The following PHF21A variants were observed in gnomAD, a reference collection of about 807,000 sequenced individuals.
PHF21A encodes BHC80a.
A neutral mutation model predicts 82.5 loss-of-function variants in PHF21A; 11 were observed. That is an observed-to-expected ratio of 0.13 (90% CI 0.08 to 0.22). The LOEUF is 0.22. Among genes scored for constraint, PHF21A ranks in the 10% least tolerant of loss-of-function variants. PHF21A has a pLI of 1.00. For synonymous variants in PHF21A, 297 were observed against 302.8 expected (o/e 0.98, Z 0.20); for missense variants, 579 against 837.8 (o/e 0.69, Z 3.81).
chr11:45,939,950 T>C (rs976054668), intron 15 of PHF21A, among the ~76,000 whole-genome samples: 2 of 152,168 alleles, frequency 1.3e-5, no homozygotes, highest in Non-Finnish European at 2.9e-5. Context: ...GTGGATTTCC[T>C]GGCTATTCTG....
At chr11:46,049,056 C>T (rs777133506) in intron 6 of PHF21A, among the ~76,000 whole-genome samples, 3 of 152,194 alleles carry the variant, frequency 2.0e-5, no homozygotes, top group East Asian at 1.9e-4. Flanking sequence ...GCTTGTGTTA[C>T]TGACAACAGG....
At chr11:46,045,539 A>T (rs2096244395) in intron 6 of PHF21A, among the ~76,000 whole-genome samples, 1 of 152,172 alleles carries the variant, frequency 6.6e-6, no homozygotes, top group Non-Finnish European at 1.5e-5. Flanking sequence ...GAATTGGAAA[A>T]AATTTATTTA....
chr11:45,952,783 T>A (rs1023681578), intron 11 of PHF21A, among the ~76,000 whole-genome samples: 1 of 152,200 alleles, frequency 6.6e-6, no homozygotes, highest in African/African-American at 2.4e-5. Flanking sequence ...GCACTAAGGA[T>A]AGGGGCAAGA....
intron 11 of PHF21A, among the ~76,000 whole-genome samples, chr11:45,952,015 G>C (rs2092189660): frequency 6.6e-6 from 1 of 151,934 alleles, no homozygotes; most frequent in African/African-American, 2.4e-5. Context: ...CCATTGGCCG[G>C]GCTGGTCTCA....
At position 45,931,788 on chromosome 11, in the gene PHF21A, C is replaced by G. The variant is rs973524123; in HGVS notation, c.*2180G>C. 5 of 152,320 alleles carry G rather than the reference C, an allele frequency of 3.3e-5. No homozygotes were observed. The highest frequency in any genetic ancestry group is 1.2e-4 in the African/African-American group (5 of 41,410). 9.4% of individuals were successfully genotyped at this position (152,320 alleles called of 1,614,324 possible). On this transcript the variant is annotated 3_prime_UTR_variant, in exon 19 of 19. Transcript: ENST00000676320. Reference sequence around the variant, plus strand: ...ACCGCCCTCCCATCGGCCAGGGGCACGCAAGGGGCAAAGGTCTCCAGCGAG... The same window carrying G: ...ACCGCCCTCCCATCGGCCAGGGGCAGGCAAGGGGCAAAGGTCTCCAGCGAG...
rs1219632072 is a variant in PHF21A, at chr11:46,041,796, A to T, written c.153+34958T>A. ...TTCCACGCTCCCTGAACTATCACACATCTTTCTTCTCCCATGAACCATCTG... is the reference window on the plus strand; with the variant it reads ...TTCCACGCTCCCTGAACTATCACACTTCTTTCTTCTCCCATGAACCATCTG... On this transcript the variant is annotated intron_variant, in intron 6 of 18. Transcript: ENST00000676320. 3.3e-5 allele frequency among the ~76,000 whole-genome samples: 5 copies of T among 152,334 alleles called. No homozygotes were observed. In the East Asian group the frequency reaches 9.6e-4, roughly 29 times the overall value.
At chr11:46,077,414 T>C (rs2096739323) in intron 5 of PHF21A, among the ~76,000 whole-genome samples, 1 of 152,220 alleles carries the variant, frequency 6.6e-6, no homozygotes, top group African/African-American at 2.4e-5. Flanking sequence ...AGAATACTAT[T>C]TTAGATGAGA....
intron 6 of PHF21A, among the ~76,000 whole-genome samples, chr11:46,042,298 A>G (rs1407867840): frequency 6.6e-6 from 1 of 152,180 alleles, no homozygotes; most frequent in Non-Finnish European, 1.5e-5. Context: ...AGATTGCTGG[A>G]CAGGTATTTG....
At chr11:45,983,476 ATGTC>A (rs952278938) in intron 6 of PHF21A, among the ~76,000 whole-genome samples, 3 of 152,016 alleles carry the variant, frequency 2.0e-5, no homozygotes, top group Non-Finnish European at 4.4e-5. Flanking sequence ...GTGGTTATAC[ATGTC>A]TGTTGCTATC....
chr11:45,955,213 T>C (rs2092539042), intron 10 of PHF21A, among the ~76,000 whole-genome samples: 1 of 152,068 alleles, frequency 6.6e-6, no homozygotes, highest in Non-Finnish European at 1.5e-5. Context: ...GGGTGTATAG[T>C]AAAGAGTTGA....
intron 10 of PHF21A, among the ~76,000 whole-genome samples, chr11:45,955,947 G>C (rs1161105678): frequency 1.3e-5 from 2 of 152,230 alleles, no homozygotes; most frequent in African/African-American, 4.8e-5. Context: ...TAGCCAACTA[G>C]TTTGACTGTA....
intron 10 of PHF21A, among the ~76,000 whole-genome samples, chr11:45,957,341 C>G (rs2092711668): frequency 6.6e-6 from 1 of 152,102 alleles, no homozygotes. Flanking sequence ...ATATTTTTAT[C>G]AAGTGTACAT....
intron 6 of PHF21A, among the ~76,000 whole-genome samples, chr11:45,998,518 CTT>C (rs397740160): frequency 6.9e-6 from 1 of 145,254 alleles, no homozygotes. Context: ...ATTTCTTTTT[CTT>C]TTTTTTTTTT....
intron 1 of PHF21A, among the ~76,000 whole-genome samples, chr11:46,103,497 G>A (rs984134830): frequency 3.3e-5 from 5 of 152,058 alleles, no homozygotes; most frequent in Non-Finnish European, 7.4e-5. Context: ...TAAAAAACTC[G>A]TTGGAATTTC....
At chr11:46,002,261 C>A (rs1459891036) in intron 6 of PHF21A, among the ~76,000 whole-genome samples, 1 of 152,140 alleles carries the variant, frequency 6.6e-6, no homozygotes, top group Non-Finnish European at 1.5e-5. Flanking sequence ...GTGGGTTGAG[C>A]TCCTTTGGGC....
chr11:45,973,536 A>C (rs758943466), intron 7 of PHF21A, among the ~76,000 whole-genome samples: 3 of 152,244 alleles, frequency 2.0e-5, no homozygotes, highest in Admixed American at 1.3e-4. Context: ...ATGTGAAATG[A>C]GAGTAAACGC....
At position 45,976,338 on chromosome 11, in the gene PHF21A, T is replaced by A. The variant is rs140442729; in HGVS notation, c.360+3422A>T. ...ACTCTGTCCTCAAAATTTCTCTACA[T>A]CTTAAATTTTTTTAATTCTTGAAAA... On this transcript the variant is annotated intron_variant, in intron 7 of 18. Transcript: ENST00000676320. 5.6e-3 allele frequency among the ~76,000 whole-genome samples: 851 copies of A among 152,302 alleles called. 3 individuals are homozygous for A. The highest frequency in any genetic ancestry group is 0.034 in the Middle Eastern group (10 of 294).
chr11:46,089,809 T>TG (rs1252148276), intron 3 of PHF21A, among the ~76,000 whole-genome samples: 59 of 99,262 alleles, frequency 5.9e-4, no homozygotes, highest in Admixed American at 2.5e-3. Flanking sequence ...TTGGAGGGGG[T>TG]GGGGGGCGGG....
At chr11:46,107,157 A>G (rs1366701344) in intron 1 of PHF21A, among the ~76,000 whole-genome samples, 2 of 152,232 alleles carry the variant, frequency 1.3e-5, no homozygotes, top group African/African-American at 4.8e-5. Context: ...AAAAATTTCA[A>G]ATTTCCTATA....
Sources: allele counts gnomAD v4.1 joint callset (sites outside exome capture counted in the v4.1 genomes callset), GRCh38; gene constraint gnomAD v4.1.1; transcripts MANE v1.5; gene names NCBI Gene and HGNC (gene_info 2026-07-23, HGNC 2026-07-21).